NARS2: variants seen among roughly 807,000 people sequenced by gnomAD.
The protein encoded by NARS2 is asparaginyl-tRNA synthetase 2, mitochondrial, also known as asparaginyl-tRNA synthetase.
In NARS2, 60 loss-of-function variants were observed where a neutral mutation model predicts 62.9. The ratio of observed to expected loss-of-function variants is 0.95; its 90% CI spans 0.77 to 1.18. NARS2 has a LOEUF of 1.18. Ranked by LOEUF, NARS2 falls within the 50% of genes most tolerant of loss-of-function variation. NARS2 has a pLI of 0.00. For synonymous variants in NARS2, 196 were observed against 200.0 expected, an observed-to-expected ratio of 0.98 and a Z score of 0.17; for missense variants, 619 against 576.4, an observed-to-expected ratio of 1.07 and a Z score of -0.76.
At chr11:78,498,833 G>A (rs11237522) in intron 6 of NARS2, among the ~76,000 whole-genome samples, 99,487 of 148,802 alleles carry the variant, frequency 0.67, 35,649 homozygotes, top group Non-Finnish European at 0.81. Context: ...TTTCATGAGC[G>A]ACTATATACA....
chr11:78,531,042 T>C (rs942363574), intron 5 of NARS2, among the ~76,000 whole-genome samples: 12 of 152,152 alleles, frequency 7.9e-5, no homozygotes, highest in Non-Finnish European at 1.8e-4. Flanking sequence ...ATATAAAATA[T>C]TGGTTGTAAA....
Position 78,454,658 on chromosome 11 carries a change from G to A in NARS2, c.1165-10900C>T, listed in dbSNP as rs187983441. Among the ~76,000 whole-genome samples the A allele has an allele frequency of 9.2e-3, 1,375 of 149,826 alleles. 10 individuals are homozygous for A. The highest frequency in any genetic ancestry group is 0.045 in the Middle Eastern group (13 of 288). On this transcript the variant is annotated intron_variant, in intron 11 of 13. Transcript: ENST00000281038. ...TTTTTTAATGTAGCCTCATTCTGTC[G>A]CCTGGGCTGGAGTGCAGTGGCGTGA...
rs112019898 is a variant in NARS2 at position 78,571,261 on chromosome 11, CT to C, written c.251+73del. 26 of 886,806 alleles carry C rather than the reference CT, an allele frequency of 2.9e-5. No homozygotes were observed. In the African/African-American group the frequency reaches 3.3e-4, roughly 11 times the overall value. 54.9% of individuals were successfully genotyped at this position (886,806 alleles called of 1,614,324 possible). A position where few individuals can be genotyped will look rare whatever the true frequency, so the allele number is the denominator to read the frequency against. ...ATTACTCAGGGGTCCAACGTAAACA[CT>C]GGAGTAGGGAAGTGAGAAGCACTAG... On this transcript the variant is annotated intron_variant, in intron 2 of 13. Transcript: ENST00000281038.
intron 5 of NARS2, among the ~76,000 whole-genome samples, chr11:78,540,729 C>G (rs1855580668): frequency 6.6e-6 from 1 of 152,140 alleles, no homozygotes; most frequent in Non-Finnish European, 1.5e-5. Context: ...CTTTGAAGAT[C>G]ATGAAGAAAA....
At chr11:78,486,646 C>T (rs1021419262) in intron 7 of NARS2, among the ~76,000 whole-genome samples, 1 of 152,092 alleles carries the variant, frequency 6.6e-6, no homozygotes, top group South Asian at 2.1e-4. Flanking sequence ...ATTCCATTTC[C>T]AAAGGATTTT....
At chr11:78,530,392 T>G (rs1861434573) in intron 5 of NARS2, among the ~76,000 whole-genome samples, 1 of 152,180 alleles carries the variant, frequency 6.6e-6, no homozygotes, top group Non-Finnish European at 1.5e-5. Context: ...AGTCTATAAT[T>G]TGTACTAATT....
In NARS2 at chr11:78,528,315, G is replaced by A. The variant is rs193158807; in HGVS notation, c.689+527C>T. 1.0e-3 allele frequency among the ~76,000 whole-genome samples: 158 copies of A among 152,230 alleles called. 1 individual carries two copies. Among genetic ancestry groups the A allele is most frequent in the Middle Eastern group, 6.8e-3 (2 of 294 alleles). ...TTTAAAGGTCTTCTTTCTCAATCCC[G>A]TTTTAAAGAAAAGGTAGGCCCCAAG... On this transcript the variant is annotated intron_variant, in intron 6 of 13. Transcript: ENST00000281038.
intron 6 of NARS2, among the ~76,000 whole-genome samples, chr11:78,521,739 GA>G (rs1565256299): frequency 1.5e-5 from 2 of 131,792 alleles, no homozygotes; most frequent in African/African-American, 6.0e-5. Flanking sequence ...GCAGTGAGCC[GA>G]GATCCCGCCA....
intron 11 of NARS2, 24 bp downstream of exon 11, chr11:78,465,852 A>C: frequency 6.2e-7 from 1 of 1,613,702 alleles, no homozygotes; most frequent in Non-Finnish European, 8.5e-7. Context: ...GACTAACCCC[A>C]ATTTATTTAG....
At position 78,497,241 on chromosome 11, in the gene NARS2, G is replaced by GCAAAAAAAAAAAAAAAAAAAAAAAAC. The variant is rs1555023813; in HGVS notation, c.690-4047_690-4046insGTTTTTTTTTTTTTTTTTTTTTTTTG. On this transcript the variant is annotated intron_variant, in intron 6 of 13. Transcript: ENST00000281038. ...TCTTTGGAAAATAAAAAGCAAAATT[G>GCAAAAAAAAAAAAAAAAAAAAAAAAC]AAAAAAAAAAAAAAAAAAAAGGTTC... is the stretch of plus-strand genomic sequence containing the variant. Among the ~76,000 whole-genome samples, 2 of 107,316 alleles carry GCAAAAAAAAAAAAAAAAAAAAAAAAC rather than the reference G, an allele frequency of 1.9e-5. 1 individual carries two copies. The highest frequency in any genetic ancestry group is 3.6e-5 in the Non-Finnish European group (2 of 55,296). 70.4% of individuals were successfully genotyped at this position (107,316 alleles called of 152,430 possible). A position where few individuals can be genotyped will look rare whatever the true frequency, so the allele number is the denominator to read the frequency against.
chr11:78,467,818 A>C (rs1591160343), intron 10 of NARS2, among the ~76,000 whole-genome samples: 1 of 152,086 alleles, frequency 6.6e-6, no homozygotes, highest in South Asian at 2.1e-4. Flanking sequence ...TCAAATCATC[A>C]TGTCGTATAC....
chr11:78,436,902 C>T, intron 13 of NARS2, 88 bp from the exon 14 acceptor site: 3 of 1,365,702 alleles, frequency 2.2e-6, no homozygotes, highest in South Asian at 2.6e-5. Context: ...ACGTATTTTG[C>T]AATCATTTGT....
At chr11:78,493,042 T>C (rs758777164) in intron 7 of NARS2, 21 bp downstream of exon 7, 1 of 1,576,124 alleles carries the variant, frequency 6.3e-7, no homozygotes, top group Non-Finnish European at 8.6e-7. Flanking sequence ...ATACCTGGTA[T>C]TTTAAAACTT....
At chr11:78,560,822 A>G (rs576439990) in intron 4 of NARS2, among the ~76,000 whole-genome samples, 5 of 152,362 alleles carry the variant, frequency 3.3e-5, no homozygotes, top group Admixed American at 1.3e-4. Flanking sequence ...TAGAAAACCA[A>G]TAAAATCTGA....
intron 12 of NARS2, among the ~76,000 whole-genome samples, chr11:78,441,610 C>G (rs1408072377): frequency 6.6e-6 from 1 of 151,648 alleles, no homozygotes; most frequent in Non-Finnish European, 1.5e-5. Context: ...ACTCGGGAAG[C>G]TGAGGTAGAA....
intron 11 of NARS2, among the ~76,000 whole-genome samples, chr11:78,445,475 G>C (rs1051525398): frequency 3.3e-5 from 5 of 152,066 alleles, no homozygotes; most frequent in Admixed American, 3.3e-4. Flanking sequence ...ACAAAAATTA[G>C]CCAAGTGCAG....
intron 11 of NARS2, among the ~76,000 whole-genome samples, chr11:78,446,306 A>G (rs1214989756): frequency 6.6e-6 from 1 of 152,200 alleles, no homozygotes; most frequent in Non-Finnish European, 1.5e-5. Context: ...ATGATTAAAG[A>G]GAAAAACATC....
intron 5 of NARS2, among the ~76,000 whole-genome samples, chr11:78,550,791 T>C (rs751723870): frequency 1.5e-4 from 23 of 152,202 alleles, no homozygotes; most frequent in Non-Finnish European, 2.4e-4. Context: ...AAAATGTTCA[T>C]AGCAGCATTT....
intron 8 of NARS2, 45 bp downstream of exon 8, chr11:78,478,540 C>G: frequency 7.5e-7 from 1 of 1,339,320 alleles, no homozygotes; most frequent in Non-Finnish European, 1.1e-6. Context: ...ATAATTAACA[C>G]ATTAAACAGT....
Sources: gnomAD v4.1 joint callset for allele counts (sites outside exome capture counted in the v4.1 genomes callset) on GRCh38, gnomAD v4.1.1 for gene constraint, MANE v1.5 for transcripts, NCBI Gene and HGNC (gene_info 2026-07-23, HGNC 2026-07-21) for gene names.